SLC11A2: variants seen among roughly 807,000 people sequenced by gnomAD.
The protein encoded by SLC11A2 is solute carrier family 11 member 2.
SLC11A2 carries 38 observed loss-of-function variants against 68.0 expected under a neutral mutation model. That is an observed-to-expected ratio of 0.56 (90% CI 0.43 to 0.73). The LOEUF (loss-of-function observed/expected upper bound fraction) is 0.73, where lower values mean the gene tolerates loss of function less well. Among genes scored for constraint, SLC11A2 ranks in the 30% least tolerant of loss-of-function variants. The probability of loss-of-function intolerance (pLI) is 0.00; values close to 1 mark genes in which losing one functional copy is unlikely to be tolerated. For synonymous variants in SLC11A2, 242 were observed against 250.6 expected (o/e 0.97, Z 0.32); for missense variants, 517 against 690.5 (o/e 0.75, Z 2.82).
chr12:51,000,178 T>C (rs1271265664), intron 6 of SLC11A2, 135 bp downstream of exon 6: 1 of 716,304 alleles, frequency 1.4e-6, no homozygotes, highest in Non-Finnish European at 2.5e-6. Context: ...GAAGAAATTG[T>C]TTCCAGAAAG....
At chr12:51,023,225 T>C (rs1478768201) in intron 1 of SLC11A2, among the ~76,000 whole-genome samples, 1 of 152,248 alleles carries the variant, frequency 6.6e-6, no homozygotes, top group Non-Finnish European at 1.5e-5. Context: ...GGCAGGAAGA[T>C]TGCTTGAACC....
chr12:50,996,845 T>C lies in SLC11A2; in HGVS notation c.803A>G (p.Asn268Ser). 1 of 1,613,974 alleles carries C rather than the reference T, an allele frequency of 6.2e-7. No individual in the cohort carries two copies. Among genetic ancestry groups the C allele is most frequent in the South Asian group, 1.1e-5 (1 of 91,076 alleles). The change falls in exon 9 of 16, where the codon AAC becomes AGC. Residue 268 changes from asparagine (N) to serine (S), a missense_variant. Transcript: ENST00000262052. ...GACTAAGGCAGAATGCAGGTACATGTTGTGTGGCATGATGACAGCTCCCAC... is the reference window on the plus strand; with the variant it reads ...GACTAAGGCAGAATGCAGGTACATGCTGTGTGGCATGATGACAGCTCCCAC... ...GIVGAVIMPH[N>S]MYLHSALVKS...
At chr12:51,019,119 C>T (rs933692281) in intron 1 of SLC11A2, among the ~76,000 whole-genome samples, 3 of 152,236 alleles carry the variant, frequency 2.0e-5, no homozygotes, top group Non-Finnish European at 4.4e-5. Context: ...TTCCTCTTGA[C>T]ACTGTTCAGT....
the SLC11A2 span, among the ~76,000 whole-genome samples, chr12:50,961,373 A>G: frequency 6.6e-6 from 1 of 152,164 alleles, no homozygotes; most frequent in South Asian, 2.1e-4. Context: ...AATAGTTCCT[A>G]TCCTATAACT....
chr12:50,994,709 C>A, intron 10 of SLC11A2, 79 bp from the exon 11 acceptor site: 1 of 828,036 alleles, frequency 1.2e-6, no homozygotes, highest in South Asian at 1.3e-5. Flanking sequence ...ATATCATACA[C>A]AATCATCTAT....
At chr12:51,001,432 G>A (rs1942215187) in intron 5 of SLC11A2, among the ~76,000 whole-genome samples, 1 of 152,006 alleles carries the variant, frequency 6.6e-6, no homozygotes, top group South Asian at 2.1e-4. Context: ...GTTAACTATT[G>A]TGTATTGGGC....
chr12:51,026,476 G>A (rs1944399534), upstream of SLC11A2: 2 of 682,950 alleles, frequency 2.9e-6, no homozygotes, highest in Non-Finnish European at 4.4e-6. Context: ...GGGATGCGTG[G>A]CCCGCAGACC....
At chr12:50,973,115 T>A in the SLC11A2 span, among the ~76,000 whole-genome samples, 1 of 152,082 alleles carries the variant, frequency 6.6e-6, no homozygotes, top group African/African-American at 2.4e-5. Context: ...GACTTAAATG[T>A]CCCTGTCTGA....
intron 5 of SLC11A2, among the ~76,000 whole-genome samples, chr12:51,003,551 C>CAA (rs371557171): frequency 7.7e-6 from 1 of 129,336 alleles, no homozygotes. Flanking sequence ...GATTCTGTCT[C>CAA]AAAAAAAAAA....
At chr12:50,957,939 T>G in the SLC11A2 span, among the ~76,000 whole-genome samples, 6 of 63,070 alleles carry the variant, frequency 9.5e-5, no homozygotes, top group African/African-American at 4.1e-4. Flanking sequence ...GAATTGGAGG[T>G]GTGTGTGTGT....
chr12:51,016,454 C>T (rs919460698), intron 1 of SLC11A2, among the ~76,000 whole-genome samples: 4 of 151,716 alleles, frequency 2.6e-5, no homozygotes, highest in Non-Finnish European at 2.9e-5. Flanking sequence ...GAGGCTGAGG[C>T]GGGCAGATCG....
chr12:51,016,722 C>T (rs1943685004), intron 1 of SLC11A2, among the ~76,000 whole-genome samples: 1 of 150,402 alleles, frequency 6.6e-6, no homozygotes, highest in Non-Finnish European at 1.5e-5. Flanking sequence ...TGGTGAACAC[C>T]TGTAATCCCA....
downstream of SLC11A2, among the ~76,000 whole-genome samples, chr12:50,983,153 G>C (rs1940214730): frequency 6.6e-6 from 1 of 152,120 alleles, no homozygotes; most frequent in South Asian, 2.1e-4. Context: ...CTCCCAAGTA[G>C]CTAGGACTAT....
chr12:50,995,048 C>T (rs952407137), intron 10 of SLC11A2: 9 of 263,776 alleles, frequency 3.4e-5, no homozygotes, highest in East Asian at 1.0e-4. Context: ...CAGGAGCTCA[C>T]GCCTGTAATC....
chr12:51,026,378 C>T lies in SLC11A2; in HGVS notation c.-107G>A. ...GGGCTCCATATTCCGGGAGCCAGCG[C>T]CACGCTGGCTAACGCCCTCCCCTCC... On this transcript the variant is annotated 5_prime_UTR_variant, in exon 1 of 16. Transcript: ENST00000262052. 7.8e-7 allele frequency: 1 copy of T among 1,279,490 alleles called. No individual in the cohort carries two copies. Among genetic ancestry groups the T allele is most frequent in the Non-Finnish European group, 1.0e-6 (1 of 982,158 alleles). The allele number at this position is 1,279,490 out of a possible 1,614,324, so 79.3% of individuals were successfully genotyped here. A position where few individuals can be genotyped will look rare whatever the true frequency, so the allele number is the denominator to read the frequency against.
At position 51,010,699 on chromosome 12, in the gene SLC11A2, T is replaced by C. The variant is rs368823290; in HGVS notation, c.30A>G (p.Ser10=). The change falls in exon 2 of 16, where the codon TCA becomes TCG. Residue 10 remains serine, a synonymous_variant. Transcript: ENST00000262052. MVLGPEQKM[S]DDSVSGDHGE... ...TAACACAAAGCGGTAAATTACCATC[T>C]GACATCTTCTGTTCAGGACCCAGCA... is the stretch of plus-strand genomic sequence containing the variant. 16 of 1,559,844 alleles carry C rather than the reference T, an allele frequency of 1.0e-5. No homozygotes were observed. The highest frequency in any genetic ancestry group is 2.7e-5 in the African/African-American group (2 of 74,118).
intron 13 of SLC11A2, among the ~76,000 whole-genome samples, 194 bp from the exon 14 acceptor site, chr12:50,991,866 TG>T (rs974551148): frequency 6.6e-6 from 1 of 152,226 alleles, no homozygotes; most frequent in African/African-American, 2.4e-5. Flanking sequence ...TACAAACCTT[TG>T]TATGTGACTT....
rs760028045 is a variant in SLC11A2 at position 51,008,517 on chromosome 12, C to T, written c.142G>A (p.Ala48Thr). Residue 48 changes from alanine to threonine, a missense_variant, in exon 3 of 16, where the codon GCC (alanine) becomes ACC (threonine). Ala to Thr is a moderately conservative substitution (Grantham distance 58). Transcript: ENST00000262052. ...QSPGDSEEYF[A>T]TYFNEKISIP... Reference sequence around the variant, plus strand: ...GAGATCTTCTCATTAAAGTAAGTGGCGAAGTACTCCTCTGAGTCCCCAGGG... The same window carrying T: ...GAGATCTTCTCATTAAAGTAAGTGGTGAAGTACTCCTCTGAGTCCCCAGGG... 16 of 1,612,892 alleles carry T rather than the reference C, an allele frequency of 9.9e-6. No homozygotes were observed. Among genetic ancestry groups the T allele is most frequent in the South Asian group, 4.4e-5 (4 of 91,058 alleles).
chr12:50,986,830 C>T lies in SLC11A2; in HGVS notation c.*1495G>A. 7.8e-7 allele frequency: 1 copy of T among 1,287,156 alleles called. No individual in the cohort carries two copies. Among genetic ancestry groups the T allele is most frequent in the Non-Finnish European group, 1.0e-6 (1 of 988,668 alleles). 79.7% of individuals were successfully genotyped at this position (1,287,156 alleles called of 1,614,324 possible). A position where few individuals can be genotyped will look rare whatever the true frequency, so the allele number is the denominator to read the frequency against. ...CCTTAAATGCCTTATAAAAGACCAT[C>T]CATCCAGTCTGCGCTTTTGACTGTG... On this transcript the variant is annotated 3_prime_UTR_variant, in exon 16 of 16. Coordinates refer to ENST00000262052, the MANE Select transcript of SLC11A2 (RefSeq NM_000617.3).
Sources: gnomAD v4.1 joint callset for allele counts (sites outside exome capture counted in the v4.1 genomes callset) on GRCh38, gnomAD v4.1.1 for gene constraint, MANE v1.5 for transcripts, NCBI Gene and HGNC (gene_info 2026-07-23, HGNC 2026-07-21) for gene names.